Variants in MYH10 observed in about 807,000 individuals in gnomAD.
MYH10 encodes myosin-10.
A neutral mutation model predicts 257.8 loss-of-function variants in MYH10; 55 were observed. That is an observed-to-expected ratio of 0.21 (90% CI 0.17 to 0.27). MYH10 has a LOEUF of 0.27. Ranked by LOEUF, MYH10 falls within the 10% of genes least tolerant of loss-of-function variation. The pLI is 1.00. For missense variants in MYH10, 1,631 were observed against 2,500.6 expected (o/e 0.65, Z 7.42); for synonymous variants, 854 against 921.7 (o/e 0.93, Z 1.33).
chr17:8,548,237 G>T, intron 11 of MYH10, 76 bp downstream of exon 11: 2 of 1,116,626 alleles, frequency 1.8e-6, no homozygotes, highest in Non-Finnish European at 2.6e-6. Flanking sequence ...GTGCTTTTAC[G>T]CTTGCACTGT....
At position 8,477,899 on chromosome 17, in the gene MYH10, C is replaced by T. The variant is rs533448495; in HGVS notation, c.5706+439G>A. On this transcript the variant is annotated intron_variant, in intron 41 of 42. Transcript: ENST00000360416. This position sits in a 1 kb window ranked among gnomAD's most constrained non-coding sequence, Gnocchi z 4.2. Reference sequence around the variant, plus strand: ...TTAGAAAAGGGGGCCTGGATGCAGACGCTGAAGCTCACTCGGGTGCAGCGT... The same window carrying T: ...TTAGAAAAGGGGGCCTGGATGCAGATGCTGAAGCTCACTCGGGTGCAGCGT... Among the ~76,000 whole-genome samples the T allele has an allele frequency of 4.6e-5, 7 of 152,336 alleles. No individual in the cohort carries two copies. Among genetic ancestry groups the T allele is most frequent in the African/African-American group, 9.6e-5 (4 of 41,576 alleles).
chr17:8,582,158 A>C (rs2083728575), intron 4 of MYH10, among the ~76,000 whole-genome samples: 1 of 152,232 alleles, frequency 6.6e-6, no homozygotes, highest in Admixed American at 6.5e-5. Context: ...AAAGGAGTAT[A>C]AATCTTGGAA....
chr17:8,496,511 G>T (rs967781600), intron 30 of MYH10, among the ~76,000 whole-genome samples: 3 of 152,170 alleles, frequency 2.0e-5, no homozygotes, highest in Non-Finnish European at 4.4e-5. Context: ...CCTACCAGAG[G>T]GGTTGACTGA....
chr17:8,530,651 G>C lies in MYH10; in HGVS notation c.1929C>G (p.Asp643Glu). Reference protein sequence around the residue: ...IQNIQRASFYDSVSGLHEPPV... With the variant: ...IQNIQRASFYESVSGLHEPPV... ...GTGGCTCATGAAGACCAGAAACACT[G>C]TCATAGAAAGAAGCTCTCTGAATAT... The change falls in exon 17 of 43, where the codon GAC becomes GAG. Residue 643 changes from aspartate (D) to glutamate (E), a missense_variant. Physicochemically the swap from Asp to Glu is conservative, Grantham distance 45. Coordinates refer to ENST00000360416, the MANE Select transcript of MYH10 (RefSeq NM_001256012.3). The C allele has an allele frequency of 2.6e-6, 4 of 1,549,410 alleles. No individual in the cohort carries two copies. The highest frequency in any genetic ancestry group is 3.5e-6 in the Non-Finnish European group (4 of 1,146,566).
At chr17:8,623,380 C>G in intron 1 of MYH10, 103 bp from the exon 2 acceptor site, 3 of 1,200,658 alleles carry the variant, frequency 2.5e-6, no homozygotes, top group Non-Finnish European at 3.3e-6. Flanking sequence ...AGCATTAACT[C>G]TGTGTTAAGG....
chr17:8,541,748 G>A (rs183082103), intron 14 of MYH10, among the ~76,000 whole-genome samples: 2 of 152,180 alleles, frequency 1.3e-5, no homozygotes, highest in Admixed American at 1.3e-4. Flanking sequence ...TACGTGACAC[G>A]TCTTGTTCTC....
At chr17:8,487,905 G>A (rs1444185756) in intron 35 of MYH10, among the ~76,000 whole-genome samples, 3 of 152,104 alleles carry the variant, frequency 2.0e-5, no homozygotes, top group South Asian at 2.1e-4. Flanking sequence ...AAGACAATAC[G>A]GTAACCATGT....
chr17:8,630,119 C>G (rs920072013), intron 1 of MYH10, among the ~76,000 whole-genome samples: 2 of 151,894 alleles, frequency 1.3e-5, no homozygotes, highest in Non-Finnish European at 2.9e-5. Context: ...CCCTTCCTGC[C>G]CAGCGCCCCC....
chr17:8,537,831 C>G (rs1231063959), intron 14 of MYH10, among the ~76,000 whole-genome samples: 4 of 152,160 alleles, frequency 2.6e-5, no homozygotes, highest in Non-Finnish European at 5.9e-5. Flanking sequence ...CCTTCAATGT[C>G]AAGATCTCTA....
rs544080972 is a variant in MYH10, at chr17:8,561,263, G to A, written c.757-7245C>T. On this transcript the variant is annotated intron_variant, in intron 7 of 42. Coordinates refer to ENST00000360416, the MANE Select transcript of MYH10 (RefSeq NM_001256012.3). ...GAAAAGAAGGAACAAAGGTCGTGCTGAAAAGGGCCGCGGCCACGTGCAGGC... is the reference window on the plus strand; with the variant it reads ...GAAAAGAAGGAACAAAGGTCGTGCTAAAAAGGGCCGCGGCCACGTGCAGGC... The A allele has an allele frequency of 1.4e-4, 142 of 985,942 alleles. No individual in the cohort carries two copies. In the South Asian group the frequency reaches 1.7e-3, roughly 12 times the overall value. 61.1% of individuals were successfully genotyped at this position (985,942 alleles called of 1,614,324 possible).
chr17:8,580,668 T>A (rs1343077972), intron 4 of MYH10, among the ~76,000 whole-genome samples: 1 of 152,200 alleles, frequency 6.6e-6, no homozygotes, highest in African/African-American at 2.4e-5. Flanking sequence ...ATTTTCTACC[T>A]GGCTACTATT....
chr17:8,494,310 G>T (rs1188616811), intron 31 of MYH10, among the ~76,000 whole-genome samples: 2 of 152,162 alleles, frequency 1.3e-5, no homozygotes, highest in Non-Finnish European at 2.9e-5. Context: ...ATCGTCCTTT[G>T]TATTTCCTGC....
chr17:8,499,248 A>G (rs1917146995), intron 30 of MYH10, 22 bp downstream of exon 30: 1 of 1,609,178 alleles, frequency 6.2e-7, no homozygotes, highest in African/African-American at 1.3e-5. Flanking sequence ...GGACGTGTGT[A>G]GAGCGGAGGT....
intron 16 of MYH10, among the ~76,000 whole-genome samples, chr17:8,534,124 C>CTGAGGATACTG (rs2082078446): frequency 6.6e-6 from 1 of 152,192 alleles, no homozygotes; most frequent in South Asian, 2.1e-4. Flanking sequence ...GAGCTCAACT[C>CTGAGGATACTG]TGAGGATACT....
At chr17:8,523,041 T>A (rs1428603813) in intron 17 of MYH10, among the ~76,000 whole-genome samples, 1 of 152,182 alleles carries the variant, frequency 6.6e-6, no homozygotes, top group Non-Finnish European at 1.5e-5. Flanking sequence ...GGATCCCAAA[T>A]CAATTCATCT....
intron 3 of MYH10, 149 bp from the exon 4 acceptor site, chr17:8,589,257 C>G: frequency 4.3e-6 from 3 of 703,410 alleles, no homozygotes; most frequent in Non-Finnish European, 7.2e-6. Flanking sequence ...CCCCATTATA[C>G]AGTCCTAAAT....
chr17:8,481,436 T>C, intron 37 of MYH10, 26 bp from the exon 38 acceptor site: 1 of 1,607,326 alleles, frequency 6.2e-7, no homozygotes, highest in Non-Finnish European at 8.5e-7. Context: ...TGCGTTAAGC[T>C]CTGGCTGTGA....
At chr17:8,491,447 A>G (rs1242514557) in intron 34 of MYH10, among the ~76,000 whole-genome samples, 2 of 152,094 alleles carry the variant, frequency 1.3e-5, no homozygotes, top group African/African-American at 2.4e-5. Context: ...GTTGTAGGAG[A>G]CCCAGCAGAA....
At chr17:8,596,757 C>T (rs945162831) in intron 3 of MYH10, among the ~76,000 whole-genome samples, 1 of 151,666 alleles carries the variant, frequency 6.6e-6, no homozygotes, top group Non-Finnish European at 1.5e-5. Flanking sequence ...TGGCTGCTTG[C>T]CATTTCACTG....
Sources: allele counts gnomAD v4.1 joint callset (sites outside exome capture counted in the v4.1 genomes callset), GRCh38; gene constraint gnomAD v4.1.1; non-coding constraint Gnocchi (gnomAD v3.1); transcripts MANE v1.5; gene names NCBI Gene and HGNC (gene_info 2026-07-23, HGNC 2026-07-21).